The following MDFIC variants were observed in gnomAD, a reference collection of about 807,000 sequenced individuals.
MDFIC encodes myoD family inhibitor domain-containing protein.
MDFIC carries 17 observed loss-of-function variants against 23.2 expected under a neutral mutation model. The ratio of observed to expected loss-of-function variants is 0.73; its 90% CI spans 0.50 to 1.10. MDFIC has a LOEUF of 1.10. Among genes scored for constraint, MDFIC ranks in the 50% least tolerant of loss-of-function variants. The pLI, the probability that MDFIC is intolerant of heterozygous loss-of-function variation, is 0.00. For synonymous variants in MDFIC, 120 were observed against 115.2 expected (o/e 1.04, Z -0.27); for missense variants, 356 against 316.6 (o/e 1.12, Z -0.95).
Position 114,922,954 on chromosome 7 carries a change from C to T in MDFIC, c.-80C>T, listed in dbSNP as rs1247742696. On this transcript the variant is annotated 5_prime_UTR_variant, in exon 2 of 5. Transcript: ENST00000393486. ...GCAGTCAGTTCCCTGCACCCAGCACCTCACAGCCCTTCCTCCGTGCGCCCT... is the reference window on the plus strand; with the variant it reads ...GCAGTCAGTTCCCTGCACCCAGCACTTCACAGCCCTTCCTCCGTGCGCCCT... The T allele has an allele frequency of 2.5e-6, 4 of 1,580,512 alleles. No homozygotes were observed. In the Admixed American group the frequency reaches 6.9e-5, roughly 27 times the overall value.
At chr7:114,935,234 T>C (rs1446511606) in intron 2 of MDFIC, among the ~76,000 whole-genome samples, 1 of 152,002 alleles carries the variant, frequency 6.6e-6, no homozygotes, top group East Asian at 1.9e-4. Context: ...ATAAGGGAGG[T>C]ATGAATACAA....
In MDFIC at chr7:114,939,022, T is replaced by G. The variant is rs531238731; in HGVS notation, c.95-3253T>G. ...TTGGTTTCATGTTTGGATATCATGA[T>G]CCCCATCTTACAATTATCTATCAAT... On this transcript the variant is annotated intron_variant, in intron 2 of 4. Transcript: ENST00000393486. Among the ~76,000 whole-genome samples, 3 of 152,306 alleles carry G rather than the reference T, an allele frequency of 2.0e-5. No homozygotes were observed. In the East Asian group the frequency reaches 5.8e-4, roughly 29 times the overall value.
chr7:114,970,278 A>G (rs1049233784), intron 3 of MDFIC, among the ~76,000 whole-genome samples: 2 of 152,192 alleles, frequency 1.3e-5, no homozygotes, highest in Admixed American at 6.5e-5. Context: ...TGTTGGCAAC[A>G]AGGACTTGGA....
intron 3 of MDFIC, among the ~76,000 whole-genome samples, chr7:114,967,032 T>G (rs1793111302): frequency 6.6e-6 from 1 of 152,194 alleles, no homozygotes; most frequent in Non-Finnish European, 1.5e-5. Flanking sequence ...ATTTTAAAAA[T>G]TCTGGTAAAT....
chr7:115,015,748 T>C lies in MDFIC; in HGVS notation c.554T>C (p.Ile185Thr), dbSNP rs1334244884. ...LFCEFLTLCN[I>T]VLGQASCGIC... The stretch of plus-strand genomic sequence containing the variant: ...TGCGAATTCCTGACCCTTTGCAACA[T>C]TGTCCTGGGACAAGCGTCATGTGGC... The change falls in exon 5 of 5, where the codon ATT (isoleucine) becomes ACT (threonine). Residue 185 changes from isoleucine (I) to threonine (T), a missense_variant. Ile to Thr is a moderately conservative substitution (Grantham distance 89). Coordinates refer to ENST00000393486, the MANE Select transcript of MDFIC (RefSeq NM_001166345.3). 1.2e-6 allele frequency: 2 copies of C among 1,614,104 alleles called. No homozygotes were observed. The highest frequency in any genetic ancestry group is 1.7e-6 in the Non-Finnish European group (2 of 1,180,042).
At chr7:114,948,565 C>G (rs1436585040) in intron 3 of MDFIC, among the ~76,000 whole-genome samples, 2 of 152,034 alleles carry the variant, frequency 1.3e-5, no homozygotes, top group Non-Finnish European at 2.9e-5. Context: ...GACTTTTCTT[C>G]CATCCTTCCT....
At chr7:115,014,438 T>G in intron 4 of MDFIC, 1 of 1,289,790 alleles carries the variant, frequency 7.8e-7, no homozygotes, top group Non-Finnish European at 1.0e-6. Context: ...AAGCTGGTTT[T>G]CTTTCCTACA....
At chr7:115,015,651 T>C in intron 4 of MDFIC, 37 bp from the exon 5 acceptor site, 2 of 1,593,410 alleles carry the variant, frequency 1.3e-6, no homozygotes, top group South Asian at 2.2e-5. Context: ...TTCCTCCTTT[T>C]TCTCACTATA....
At chr7:114,965,965 C>T (rs571257626) in intron 3 of MDFIC, among the ~76,000 whole-genome samples, 3 of 152,220 alleles carry the variant, frequency 2.0e-5, no homozygotes, top group African/African-American at 7.2e-5. Context: ...AGTGTTGCTT[C>T]AGGTTATAAT....
Position 114,946,461 on chromosome 7 carries a change from G to A in MDFIC, c.217+4064G>A, listed in dbSNP as rs1457081146. ...CCTTGGACATTGCTTTTACATAAACGTCTGCTAATTCTAAATGTCATTACT... is the reference window on the plus strand; with the variant it reads ...CCTTGGACATTGCTTTTACATAAACATCTGCTAATTCTAAATGTCATTACT... On this transcript the variant is annotated intron_variant, in intron 3 of 4. Coordinates refer to ENST00000393486, the MANE Select transcript of MDFIC (RefSeq NM_001166345.3). 2.6e-5 allele frequency among the ~76,000 whole-genome samples: 4 copies of A among 151,876 alleles called. No homozygotes were observed. In the South Asian group the frequency reaches 6.2e-4, roughly 24 times the overall value.
chr7:114,941,367 G>A (rs142616442), intron 2 of MDFIC, among the ~76,000 whole-genome samples: 1 of 152,288 alleles, frequency 6.6e-6, no homozygotes, highest in Non-Finnish European at 1.5e-5. Context: ...AACCTTCGCA[G>A]TCTTCTGTCC....
chr7:114,922,630 T>C lies in MDFIC; in HGVS notation c.-114T>C, dbSNP rs1408972705. The stretch of plus-strand genomic sequence containing the variant: ...GGGGCTTGGAGCGACTACGGGGGGA[T>C]GCGGAGGTAGGTAGTGGTCTCCGGG... On this transcript the variant is annotated 5_prime_UTR_variant, in exon 1 of 5. An upstream start codon of the reference 5' UTR is lost. Transcript: ENST00000393486. The C allele has an allele frequency of 2.3e-6, 3 of 1,281,610 alleles. No individual in the cohort carries two copies. The highest frequency in any genetic ancestry group is 4.2e-5 in the Admixed American group (1 of 23,994). The allele number at this position is 1,281,610 out of a possible 1,614,324, so 79.4% of individuals were successfully genotyped here. A position where few individuals can be genotyped will look rare whatever the true frequency, so the allele number is the denominator to read the frequency against.
At chr7:114,965,736 G>A (rs1305189248) in intron 3 of MDFIC, among the ~76,000 whole-genome samples, 1 of 152,090 alleles carries the variant, frequency 6.6e-6, no homozygotes, top group Non-Finnish European at 1.5e-5. Flanking sequence ...GAGTCTTCAG[G>A]ATATTATTAG....
At chr7:114,988,906 C>T (rs1793556979) in intron 4 of MDFIC, among the ~76,000 whole-genome samples, 1 of 152,154 alleles carries the variant, frequency 6.6e-6, no homozygotes, top group South Asian at 2.1e-4. Context: ...GAGAAAAGGT[C>T]AGATGGCTGA....
chr7:114,939,306 C>T (rs924959899), intron 2 of MDFIC, among the ~76,000 whole-genome samples: 11 of 152,108 alleles, frequency 7.2e-5, no homozygotes, highest in African/African-American at 1.2e-4. Flanking sequence ...CTGGGTGCTG[C>T]GGATCACAGC....
At chr7:114,972,326 C>G (rs1398429303) in intron 3 of MDFIC, among the ~76,000 whole-genome samples, 1 of 152,110 alleles carries the variant, frequency 6.6e-6, no homozygotes, top group Non-Finnish European at 1.5e-5. Context: ...CAAAGGTGAT[C>G]AACTCATCCC....
intron 2 of MDFIC, among the ~76,000 whole-genome samples, chr7:114,930,623 A>G (rs1332845787): frequency 1.3e-5 from 2 of 152,230 alleles, no homozygotes; most frequent in Admixed American, 1.3e-4. Context: ...TTTCATGGAA[A>G]GAAGGCCTAA....
chr7:114,929,265 C>A (rs1792262603), intron 2 of MDFIC, among the ~76,000 whole-genome samples: 1 of 152,094 alleles, frequency 6.6e-6, no homozygotes, highest in Non-Finnish European at 1.5e-5. Context: ...TGCCACCAAA[C>A]CTGGCTAATT....
chr7:114,961,223 C>T (rs1383390433), intron 3 of MDFIC, among the ~76,000 whole-genome samples: 1 of 152,178 alleles, frequency 6.6e-6, no homozygotes, highest in Non-Finnish European at 1.5e-5. Context: ...ACACTCCTAA[C>T]CTCTTTCTCT....
Sources: allele counts gnomAD v4.1 joint callset (sites outside exome capture counted in the v4.1 genomes callset), GRCh38; gene constraint gnomAD v4.1.1; transcripts MANE v1.5; gene names NCBI Gene and HGNC (gene_info 2026-07-23, HGNC 2026-07-21).